The following FGF1 variants were observed in gnomAD, a reference collection of about 807,000 sequenced individuals.
FGF1 encodes fibroblast growth factor 1.
A neutral mutation model predicts 13.4 loss-of-function variants in FGF1; 9 were observed. That is an observed-to-expected ratio of 0.67 (90% CI 0.40 to 1.17). The LOEUF is 1.17. FGF1 is among the 50% of genes most tolerant of loss of function. FGF1 has a pLI of 0.01. For missense variants in FGF1, 156 were observed against 192.7 expected (o/e 0.81, Z 1.13); for synonymous variants, 93 against 79.0 (o/e 1.18, Z -0.94).
rs1024021372 is a variant in FGF1 at position 142,629,829 on chromosome 5, T to G, written c.-34-15668A>C. 2.7e-5 allele frequency among the ~76,000 whole-genome samples: 4 copies of G among 148,518 alleles called. No individual in the cohort carries two copies. In the East Asian group the frequency reaches 7.8e-4, roughly 29 times the overall value. On this transcript the variant is annotated intron_variant, in intron 1 of 3. Transcript: ENST00000337706. ...ACAGATATTTTTGCATTAAATTGGATTTTTGAAAAATACTGCATTAAAATA... is the reference window on the plus strand; with the variant it reads ...ACAGATATTTTTGCATTAAATTGGAGTTTTGAAAAATACTGCATTAAAATA...
chr5:142,675,117 C>T (rs535267380), intron 1 of FGF1, among the ~76,000 whole-genome samples: 2 of 152,176 alleles, frequency 1.3e-5, no homozygotes, highest in Admixed American at 6.5e-5. Flanking sequence ...AACGCTCCCC[C>T]CTGCGCCGCA....
intron 3 of FGF1, 59 bp from the exon 4 acceptor site, chr5:142,595,543 C>T: frequency 2.8e-6 from 4 of 1,439,722 alleles, no homozygotes; most frequent in Non-Finnish European, 3.8e-6. Context: ...ACATGGGGGT[C>T]CCCATTTACT....
chr5:142,628,868 A>T (rs1402965560), intron 1 of FGF1, among the ~76,000 whole-genome samples: 1 of 152,214 alleles, frequency 6.6e-6, no homozygotes, highest in East Asian at 1.9e-4. Context: ...CGGAGCTGCC[A>T]TCTTTTCGCA....
chr5:142,606,036 TC>T (rs77220834), intron 2 of FGF1, among the ~76,000 whole-genome samples: 36,442 of 151,976 alleles, frequency 0.24, 4,874 homozygotes, highest in East Asian at 0.31. Context: ...CACATATTCA[TC>T]TACTAGGTGC....
At chr5:142,635,406 TG>T (rs17217051) in intron 1 of FGF1, among the ~76,000 whole-genome samples, 4,293 of 152,334 alleles carry the variant, frequency 0.028, 81 homozygotes, top group Middle Eastern at 0.082. Context: ...CCCTTCCCTA[TG>T]GGAGCAGCTC....
chr5:142,620,070 A>G (rs763122099), intron 1 of FGF1, among the ~76,000 whole-genome samples: 1 of 151,794 alleles, frequency 6.6e-6, no homozygotes, highest in Non-Finnish European at 1.5e-5. Flanking sequence ...AATGACATAG[A>G]GAGGTTAAAA....
chr5:142,610,876 T>A (rs1278704800), intron 2 of FGF1, among the ~76,000 whole-genome samples: 1 of 152,176 alleles, frequency 6.6e-6, no homozygotes, highest in Non-Finnish European at 1.5e-5. Context: ...TGGAAACTCA[T>A]TCTCCTAGAG....
At chr5:142,676,333 T>C (rs1227446991) in intron 1 of FGF1, among the ~76,000 whole-genome samples, 1 of 152,238 alleles carries the variant, frequency 6.6e-6, no homozygotes, top group Non-Finnish European at 1.5e-5. Flanking sequence ...GCACTCTACG[T>C]GGATTCTCTC....
chr5:142,607,587 G>A (rs1449822486), intron 2 of FGF1, among the ~76,000 whole-genome samples: 1 of 152,192 alleles, frequency 6.6e-6, no homozygotes, highest in African/African-American at 2.4e-5. Flanking sequence ...CTCAGATAAA[G>A]CATTGTAAAA....
intron 1 of FGF1, among the ~76,000 whole-genome samples, chr5:142,683,129 C>A (rs1008773622): frequency 3.3e-5 from 5 of 152,212 alleles, no homozygotes; most frequent in Non-Finnish European, 5.9e-5. Context: ...GCATGGTATG[C>A]CTGTGGCACA....
intron 2 of FGF1, among the ~76,000 whole-genome samples, chr5:142,612,910 G>A (rs17099102): frequency 0.094 from 14,375 of 152,250 alleles, 1,117 homozygotes; most frequent in African/African-American, 0.21. Flanking sequence ...AACCTCTGGT[G>A]CATGGTCCAT....
At chr5:142,603,897 A>G (rs1757104411) in intron 2 of FGF1, among the ~76,000 whole-genome samples, 1 of 152,192 alleles carries the variant, frequency 6.6e-6, no homozygotes, top group African/African-American at 2.4e-5. Flanking sequence ...TGGAGCAAGT[A>G]GATACATGGA....
chr5:142,632,015 A>C (rs1030517160), intron 1 of FGF1, among the ~76,000 whole-genome samples: 11 of 152,222 alleles, frequency 7.2e-5, no homozygotes, highest in African/African-American at 2.6e-4. Context: ...TCCTGACCTC[A>C]GGTGATCCAC....
At chr5:142,654,044 A>T (rs1767734964) in intron 1 of FGF1, among the ~76,000 whole-genome samples, 2 of 152,224 alleles carry the variant, frequency 1.3e-5, no homozygotes, top group African/African-American at 2.4e-5. Context: ...GTGAGCCAAG[A>T]TCATGCCACT....
Position 142,616,377 on chromosome 5 carries a change from A to G in FGF1, c.-34-2216T>C, listed in dbSNP as rs187764782. 1.6e-4 allele frequency among the ~76,000 whole-genome samples: 25 copies of G among 152,342 alleles called. No homozygotes were observed. The East Asian group carries it at 4.6e-3, about 28-fold the overall frequency. ...GAATTTCGCAAATACCATATAAACT[A>G]TATTTAAAGTCAGATCATCCCAAAT... On this transcript the variant is annotated intron_variant, in intron 1 of 3. Coordinates refer to ENST00000337706, the MANE Select transcript of FGF1 (RefSeq NM_000800.5).
chr5:142,628,323 A>G (rs761987483), intron 1 of FGF1, among the ~76,000 whole-genome samples: 5 of 152,162 alleles, frequency 3.3e-5, no homozygotes, highest in Non-Finnish European at 2.9e-5. Context: ...AGCCTGACCA[A>G]CATGATGAAA....
intron 1 of FGF1, among the ~76,000 whole-genome samples, chr5:142,621,641 A>G (rs1410186458): frequency 6.6e-6 from 1 of 152,026 alleles, no homozygotes; most frequent in Non-Finnish European, 1.5e-5. Context: ...ATTCCCATCT[A>G]TATCCCCCTG....
chr5:142,628,440 G>A (rs1006354630), intron 1 of FGF1, among the ~76,000 whole-genome samples: 6 of 152,222 alleles, frequency 3.9e-5, no homozygotes, highest in Non-Finnish European at 7.3e-5. Flanking sequence ...AACCCAGGAG[G>A]CAGAGGTTGC....
intron 2 of FGF1, among the ~76,000 whole-genome samples, chr5:142,607,425 A>G (rs966106290): frequency 1.3e-5 from 2 of 152,212 alleles, no homozygotes; most frequent in South Asian, 2.1e-4. Flanking sequence ...AGGGGCAAGT[A>G]CTTTTTGAAA....
Sources: gnomAD v4.1 joint callset for allele counts (sites outside exome capture counted in the v4.1 genomes callset) on GRCh38, gnomAD v4.1.1 for gene constraint, MANE v1.5 for transcripts, NCBI Gene and HGNC (gene_info 2026-07-23, HGNC 2026-07-21) for gene names.